CNTN4: variants seen among roughly 807,000 people sequenced by gnomAD.
The protein encoded by CNTN4 is contactin-4.
CNTN4 carries 77 observed loss-of-function variants against 122.5 expected under a neutral mutation model. The observed-to-expected ratio is 0.63, with a 90% CI of 0.52 to 0.76. The LOEUF (loss-of-function observed/expected upper bound fraction) is 0.76, where lower values mean the gene tolerates loss of function less well. Ranked by LOEUF, CNTN4 falls within the 30% of genes least tolerant of loss-of-function variation. The probability of loss-of-function intolerance (pLI) is 0.00; values close to 1 mark genes in which losing one functional copy is unlikely to be tolerated. For missense variants in CNTN4, 1,256 were observed against 1,259.1 expected (o/e 1.00, Z 0.04); for synonymous variants, 512 against 447.0 (o/e 1.15, Z -1.83).
chr3:2,477,141 G>A (rs1049251186), intron 3 of CNTN4, among the ~76,000 whole-genome samples: 4 of 152,144 alleles, frequency 2.6e-5, no homozygotes, highest in African/African-American at 9.7e-5. Context: ...GGTTCCTCAG[G>A]CAAGCAAAAG....
At chr3:2,298,609 A>G (rs1415863268) in intron 2 of CNTN4, among the ~76,000 whole-genome samples, 1 of 152,150 alleles carries the variant, frequency 6.6e-6, no homozygotes, top group African/African-American at 2.4e-5. Context: ...CATCTTTGGT[A>G]CATTCATATT....
At chr3:2,151,023 C>T (rs537340086) in intron 2 of CNTN4, among the ~76,000 whole-genome samples, 42 of 152,122 alleles carry the variant, frequency 2.8e-4, no homozygotes, top group African/African-American at 9.6e-4. Context: ...ATTCTTTGTT[C>T]TCATGGACCC....
intron 4 of CNTN4, among the ~76,000 whole-genome samples, chr3:2,722,788 C>G (rs1365281696): frequency 6.6e-6 from 1 of 152,176 alleles, no homozygotes; most frequent in Non-Finnish European, 1.5e-5. Context: ...ATAATTGGTG[C>G]AAATTTTATG....
chr3:2,859,851 A>G (rs1400307140), intron 7 of CNTN4, among the ~76,000 whole-genome samples: 1 of 152,214 alleles, frequency 6.6e-6, no homozygotes, highest in African/African-American at 2.4e-5. Context: ...AATTTCTTAA[A>G]GAAAATCTGC....
chr3:2,187,036 C>G (rs940865249), intron 2 of CNTN4, among the ~76,000 whole-genome samples: 3 of 152,150 alleles, frequency 2.0e-5, no homozygotes, highest in African/African-American at 7.2e-5. Flanking sequence ...CCTAGGTTTT[C>G]TTCTAAGGTT....
At chr3:2,598,360 C>T (rs1268624485) in intron 4 of CNTN4, among the ~76,000 whole-genome samples, 1 of 152,062 alleles carries the variant, frequency 6.6e-6, no homozygotes, top group Non-Finnish European at 1.5e-5. Flanking sequence ...TGAGAAGTTT[C>T]TGGTGTATTT....
intron 4 of CNTN4, among the ~76,000 whole-genome samples, chr3:2,571,964 T>C (rs550133762): frequency 1.1e-4 from 17 of 152,346 alleles, no homozygotes; most frequent in Non-Finnish European, 1.5e-4. Flanking sequence ...TCTTTGTTGA[T>C]ACCACTCCAT....
chr3:2,711,313 C>T (rs1431059399), intron 4 of CNTN4, among the ~76,000 whole-genome samples: 4 of 152,132 alleles, frequency 2.6e-5, no homozygotes, highest in Admixed American at 2.6e-4. Context: ...TGAGTTCCAG[C>T]CAGTTTCTGC....
chr3:2,105,270 A>G (rs1412345537), intron 2 of CNTN4, among the ~76,000 whole-genome samples: 2 of 152,186 alleles, frequency 1.3e-5, no homozygotes, highest in Non-Finnish European at 2.9e-5. Context: ...AGCCAACAGA[A>G]CAGTAGCAAG....
intron 2 of CNTN4, among the ~76,000 whole-genome samples, chr3:2,227,501 C>T (rs1237711862): frequency 6.6e-6 from 1 of 152,058 alleles, no homozygotes; most frequent in African/African-American, 2.4e-5. Context: ...AAAGATTATG[C>T]CCCACTTTAC....
At position 2,807,396 on chromosome 3, in the gene CNTN4, T is replaced by C. The variant is rs1025355327; in HGVS notation, c.359-12090T>C. On this transcript the variant is annotated intron_variant, in intron 6 of 24. Coordinates refer to ENST00000418658, the MANE Select transcript of CNTN4 (RefSeq NM_175607.3). ...TGTAATTAAATGAGATAAAAATATATGGTTGAAGTTGCCGAAGCAACTTAA... is the reference window on the plus strand; with the variant it reads ...TGTAATTAAATGAGATAAAAATATACGGTTGAAGTTGCCGAAGCAACTTAA... Among the ~76,000 whole-genome samples the C allele has an allele frequency of 5.5e-4, 84 of 152,188 alleles. 1 individual carries two copies. The highest frequency in any genetic ancestry group is 2.4e-4 in the Non-Finnish European group (16 of 68,042).
chr3:2,352,662 C>T (rs944714945), intron 3 of CNTN4, among the ~76,000 whole-genome samples: 9 of 152,180 alleles, frequency 5.9e-5, no homozygotes, highest in Non-Finnish European at 1.0e-4. Context: ...CCGCCAAGCC[C>T]GAGCTCCCCC....
intron 6 of CNTN4, among the ~76,000 whole-genome samples, chr3:2,781,761 G>C (rs1478883601): frequency 1.8e-5 from 2 of 109,746 alleles, no homozygotes; most frequent in South Asian, 3.0e-4. Context: ...GTGTCGCTCT[G>C]TCGCCCAGGC....
At chr3:2,945,436 G>A (rs2094666113) in intron 13 of CNTN4, among the ~76,000 whole-genome samples, 1 of 152,126 alleles carries the variant, frequency 6.6e-6, no homozygotes, top group African/African-American at 2.4e-5. Flanking sequence ...ATATGACCTA[G>A]ACAGTATCCC....
chr3:2,702,931 G>A lies in CNTN4; in HGVS notation c.56-33284G>A, dbSNP rs541115263. Among the ~76,000 whole-genome samples the A allele has an allele frequency of 3.3e-5, 5 of 152,180 alleles. No homozygotes were observed. The South Asian group carries it at 6.2e-4, about 19-fold the overall frequency. On this transcript the variant is annotated intron_variant, in intron 4 of 24. Coordinates refer to ENST00000418658, the MANE Select transcript of CNTN4 (RefSeq NM_175607.3). ...ATGTGGTACCAAAGTAGATTCCAAG[G>A]GTAAGACCCAGTTATCTTGGTTAGA... is the stretch of plus-strand genomic sequence containing the variant.
intron 4 of CNTN4, among the ~76,000 whole-genome samples, chr3:2,682,912 T>C (rs2085237626): frequency 6.9e-6 from 1 of 145,214 alleles, no homozygotes; most frequent in Admixed American, 7.0e-5. Context: ...ACGGAGTAGA[T>C]TTTCTCTGCC....
At chr3:2,155,754 GCTAGC>G (rs1282621811) in intron 2 of CNTN4, among the ~76,000 whole-genome samples, 1 of 152,112 alleles carries the variant, frequency 6.6e-6, no homozygotes, top group African/African-American at 2.4e-5. Flanking sequence ...CTCCAACACA[GCTAGC>G]TCTTGTCTGC....
chr3:3,028,005 C>CA (rs1159986660), intron 15 of CNTN4, among the ~76,000 whole-genome samples: 2 of 152,222 alleles, frequency 1.3e-5, no homozygotes, highest in Non-Finnish European at 2.9e-5. Flanking sequence ...ACAGCACAAC[C>CA]ACATGTGAGA....
chr3:2,585,630 G>A (rs1177453873), intron 4 of CNTN4, among the ~76,000 whole-genome samples: 13 of 148,754 alleles, frequency 8.7e-5, no homozygotes, highest in Admixed American at 5.5e-4. Flanking sequence ...ATAGGTGGGA[G>A]TTGAACAATG....
Sources: allele counts gnomAD v4.1 joint callset (sites outside exome capture counted in the v4.1 genomes callset), GRCh38; gene constraint gnomAD v4.1.1; transcripts MANE v1.5; gene names NCBI Gene and HGNC (gene_info 2026-07-23, HGNC 2026-07-21).